VANGL2: variants seen among roughly 807,000 people sequenced by gnomAD.
The protein encoded by VANGL2 is VANGL planar cell polarity protein 2, also known as vang-like protein 2.
Under a neutral mutation model 50.2 loss-of-function variants are expected in VANGL2, and 14 were observed. The ratio of observed to expected loss-of-function variants is 0.28; its 90% CI spans 0.18 to 0.44. The LOEUF (loss-of-function observed/expected upper bound fraction) is 0.44, where lower values mean the gene tolerates loss of function less well. Ranked by LOEUF, VANGL2 falls within the 20% of genes least tolerant of loss-of-function variation. VANGL2 has a pLI of 1.00. For synonymous variants in VANGL2, 295 were observed against 297.2 expected (o/e 0.99, Z 0.08); for missense variants, 533 against 701.5 (o/e 0.76, Z 2.71).
chr1:160,420,479 T>A lies in VANGL2; in HGVS notation c.869T>A (p.Leu290His). The A allele has an allele frequency of 6.2e-7, 1 of 1,613,954 alleles. No individual in the cohort carries two copies. The highest frequency in any genetic ancestry group is 8.5e-7 in the Non-Finnish European group (1 of 1,179,984). Residue 290 changes from leucine to histidine, a missense_variant, in exon 5 of 8, where the codon CTC (leucine) becomes CAC (histidine). Coordinates refer to ENST00000368061, the MANE Select transcript of VANGL2 (RefSeq NM_020335.3). ...GACTTCCCTGTCTACAACCCTGCCC[T>A]CCTCAACCTGCCCAAGTCCGTCCTG... ...YHDFPVYNPA[L>H]LNLPKSVLAK... is the part of the protein sequence containing the mutation.
chr1:160,424,022 C>A, intron 6 of VANGL2, 30 bp from the exon 7 acceptor site: 1 of 1,610,176 alleles, frequency 6.2e-7, no homozygotes, highest in Non-Finnish European at 8.5e-7. Flanking sequence ...GAGAGGTGGG[C>A]ATCTGGCCCA....
chr1:160,407,084 C>G (rs986335347), intron 1 of VANGL2, among the ~76,000 whole-genome samples: 1 of 152,112 alleles, frequency 6.6e-6, no homozygotes, highest in East Asian at 1.9e-4. Flanking sequence ...GTGCTGAGCC[C>G]GAAGTGTGAA....
chr1:160,420,527 A>G lies in VANGL2; in HGVS notation c.917A>G (p.Lys306Arg). 6.2e-7 allele frequency: 1 copy of G among 1,614,102 alleles called. No individual in the cohort carries two copies. The highest frequency in any genetic ancestry group is 8.5e-7 in the Non-Finnish European group (1 of 1,180,010). Residue 306 changes from lysine to arginine, a missense_variant, in exon 5 of 8, where the codon AAG becomes AGG. Coordinates refer to ENST00000368061, the MANE Select transcript of VANGL2 (RefSeq NM_020335.3). ...SVLAKKVSGF[K>R]VYSLGEENST... is the part of the protein sequence containing the mutation. ...CTGGCCAAGAAAGTGTCTGGCTTCA[A>G]GGTGTATTCCCTCGGAGAGGGTGAG...
chr1:160,418,258 T>C (rs2101964127), intron 3 of VANGL2, among the ~76,000 whole-genome samples: 1 of 152,304 alleles, frequency 6.6e-6, no homozygotes, highest in East Asian at 1.9e-4. Context: ...GAGTGATTCA[T>C]GTGGATCTTG....
chr1:160,419,581 A>T lies in VANGL2; in HGVS notation c.772A>T (p.Ser258Cys). ...LKVVRSTDGA[S>C]RFYNVGHLSI... ...GGTCGTGCGCTCCACCGACGGCGCCAGCCGCTTCTACAACGTTGGCCATCT... is the reference window on the plus strand; with the variant it reads ...GGTCGTGCGCTCCACCGACGGCGCCTGCCGCTTCTACAACGTTGGCCATCT... The change falls in exon 4 of 8, where the codon AGC (serine) becomes TGC (cysteine). Residue 258 changes from serine (S) to cysteine (C), a missense_variant. Transcript: ENST00000368061. This position sits in a 1 kb window ranked among gnomAD's most constrained non-coding sequence, Gnocchi z 5.8. The T allele has an allele frequency of 6.3e-7, 1 of 1,599,532 alleles. No individual in the cohort carries two copies. Among genetic ancestry groups the T allele is most frequent in the Non-Finnish European group, 8.5e-7 (1 of 1,179,832 alleles).
Position 160,415,861 on chromosome 1 carries a change from G to T in VANGL2, c.24G>T (p.Ser8=). The change falls in exon 2 of 8, where the codon TCG becomes TCT. Residue 8 remains serine, a synonymous_variant. Transcript: ENST00000368061. ...CCATGGACACCGAGTCCCAGTACTC[G>T]GGCTATTCCTACAAGTCGGGCCACT... is the stretch of plus-strand genomic sequence containing the variant. MDTESQY[S]GYSYKSGHSR... is the part of the protein sequence containing the mutation. The T allele has an allele frequency of 6.2e-7, 1 of 1,614,000 alleles. No individual in the cohort carries two copies.
At position 160,425,318 on chromosome 1, in the gene VANGL2, A is replaced by G; in HGVS notation, c.1506A>G (p.Glu502=). The G allele has an allele frequency of 6.4e-7, 1 of 1,567,490 alleles. No individual in the cohort carries two copies. The highest frequency in any genetic ancestry group is 8.7e-7 in the Non-Finnish European group (1 of 1,151,988). ...KKVPFFKLSE[E]FVDPKSHKFV... ...TCCCATTCTTCAAACTCTCCGAGGAATTTGTGGATCCCAAGTCACACAAGT... is the reference window on the plus strand; with the variant it reads ...TCCCATTCTTCAAACTCTCCGAGGAGTTTGTGGATCCCAAGTCACACAAGT... The change falls in exon 8 of 8, where the codon GAA becomes GAG. Residue 502 remains glutamate, a synonymous_variant. Coordinates refer to ENST00000368061, the MANE Select transcript of VANGL2 (RefSeq NM_020335.3).
At chr1:160,403,453 T>A (rs1571233137) in intron 1 of VANGL2, among the ~76,000 whole-genome samples, 1 of 152,244 alleles carries the variant, frequency 6.6e-6, no homozygotes, top group African/African-American at 2.4e-5. Flanking sequence ...TTTCCTCTAA[T>A]TCTTCCGGGG....
In VANGL2 at chr1:160,415,707, G is replaced by T; in HGVS notation, c.-131G>T. 1 of 1,042,632 alleles carries T rather than the reference G, an allele frequency of 9.6e-7. No individual in the cohort carries two copies. The highest frequency in any genetic ancestry group is 2.0e-5 in the Admixed American group (1 of 49,086). 64.6% of individuals were successfully genotyped at this position (1,042,632 alleles called of 1,614,324 possible). A position where few individuals can be genotyped will look rare whatever the true frequency, so the allele number is the denominator to read the frequency against. On this transcript the variant is annotated 5_prime_UTR_variant, in exon 2 of 8. It adds an upstream start codon to the 5' untranslated region. Coordinates refer to ENST00000368061, the MANE Select transcript of VANGL2 (RefSeq NM_020335.3). ...CCGTCCAGCAAAATAGAGTCCCTCA[G>T]GGTGACAGTTGACTTCCTGAAGGTG... is the stretch of plus-strand genomic sequence containing the variant.
Position 160,421,116 on chromosome 1 carries a change from G to C in VANGL2, c.1002G>C (p.Arg334=). The C allele has an allele frequency of 6.2e-7, 1 of 1,614,124 alleles. No homozygotes were observed. Among genetic ancestry groups the C allele is most frequent in the South Asian group, 1.1e-5 (1 of 91,076 alleles). Residue 334 remains arginine (R), a synonymous_variant, in exon 6 of 8, where the codon CGG becomes CGC. Coordinates refer to ENST00000368061, the MANE Select transcript of VANGL2 (RefSeq NM_020335.3). ...TGATTGCAGCGGCAGCTCGGAGGCG[G>C]GACAACAGTCACAATGAGTACTACT... is the stretch of plus-strand genomic sequence containing the variant. ...RAVIAAAARR[R]DNSHNEYYYE...
intron 6 of VANGL2, 81 bp from the exon 7 acceptor site, chr1:160,423,971 T>C (rs1651359011): frequency 3.3e-6 from 5 of 1,502,906 alleles, no homozygotes; most frequent in South Asian, 1.1e-5. Context: ...TTCAGGCTGC[T>C]GGAGTGTTGG....
intron 1 of VANGL2, among the ~76,000 whole-genome samples, chr1:160,413,562 T>C (rs1384921607): frequency 6.6e-6 from 1 of 152,112 alleles, no homozygotes; most frequent in African/African-American, 2.4e-5. Flanking sequence ...CGGCCCCATT[T>C]TAGTTTTTAA....
intron 1 of VANGL2, among the ~76,000 whole-genome samples, chr1:160,408,139 G>A (rs1022303838): frequency 2.0e-5 from 3 of 151,830 alleles, no homozygotes; most frequent in African/African-American, 7.3e-5. Context: ...GTGTTGGGGG[G>A]CAGGTACCTT....
At chr1:160,416,353 C>T (rs967755313) in intron 3 of VANGL2, among the ~76,000 whole-genome samples, 171 bp downstream of exon 3, 1 of 152,288 alleles carries the variant, frequency 6.6e-6, no homozygotes, top group Middle Eastern at 3.4e-3. Flanking sequence ...AAGGTAGGAC[C>T]TTCAGGAATT....
At chr1:160,420,264 C>A (rs750138386) in intron 4 of VANGL2, 147 bp from the exon 5 acceptor site, 2 of 1,043,634 alleles carry the variant, frequency 1.9e-6, no homozygotes, top group East Asian at 2.6e-5. Flanking sequence ...GGTAAGTAGA[C>A]CTCAGGCCCG....
chr1:160,411,231 G>T (rs1047886912), intron 1 of VANGL2, among the ~76,000 whole-genome samples: 2 of 151,856 alleles, frequency 1.3e-5, no homozygotes, highest in African/African-American at 4.8e-5. Context: ...TGTGTCTTGG[G>T]AAGTGGGGGG....
rs5778163 is a variant in VANGL2 at position 160,425,486 on chromosome 1, C to CT, written c.*118dup. 0.42 allele frequency: 322,540 copies of CT among 775,216 alleles called. 42,842 individuals are homozygous for CT. The highest frequency in any genetic ancestry group is 0.79 in the African/African-American group (38,840 of 49,050). 48.0% of individuals were successfully genotyped at this position (775,216 alleles called of 1,614,324 possible). On this transcript the variant is annotated 3_prime_UTR_variant, in exon 8 of 8. Transcript: ENST00000368061. ...TCCTGCCACCCTTCTTCTTCTTGCT[C>CT]TTTTTTTTTTACTTGAATTAACGCA...
At chr1:160,403,756 T>G (rs1650560945) in intron 1 of VANGL2, among the ~76,000 whole-genome samples, 2 of 152,212 alleles carry the variant, frequency 1.3e-5, no homozygotes, top group Admixed American at 1.3e-4. Context: ...TTAACAGTGG[T>G]GTGATCTGGG....
At position 160,418,989 on chromosome 1, in the gene VANGL2, C is replaced by CT; in HGVS notation, c.193-11dup. 6.2e-7 allele frequency: 1 copy of CT among 1,600,858 alleles called. No homozygotes were observed. Among genetic ancestry groups the CT allele is most frequent in the Non-Finnish European group, 8.5e-7 (1 of 1,171,188 alleles). On this transcript the variant is annotated splice_polypyrimidine_tract_variant and intron_variant, in intron 3 of 7. Transcript: ENST00000368061. ...TCCTCCTTATTGTGTGGCTGGCCCC[C>CT]TTCTGCCTGTAGGATGACAACTGGG...
Sources: gnomAD v4.1 joint callset for allele counts (sites outside exome capture counted in the v4.1 genomes callset) on GRCh38, gnomAD v4.1.1 for gene constraint, Gnocchi (gnomAD v3.1) non-coding constraint, MANE v1.5 for transcripts, NCBI Gene and HGNC (gene_info 2026-07-23, HGNC 2026-07-21) for gene names.